ZBTB16: variants seen among roughly 807,000 people sequenced by gnomAD.
The protein encoded by ZBTB16 is zinc finger and BTB domain containing 16, also known as zinc finger and BTB domain-containing protein 16.
Under a neutral mutation model 56.8 loss-of-function variants are expected in ZBTB16, and 8 were observed. The ratio of observed to expected loss-of-function variants is 0.14; its 90% CI spans 0.08 to 0.25. ZBTB16 has a LOEUF of 0.25. Among genes scored for constraint, ZBTB16 ranks in the 10% least tolerant of loss-of-function variants. The pLI is 1.00. For missense variants in ZBTB16, 625 were observed against 903.0 expected (o/e 0.69, Z 3.95); for synonymous variants, 363 against 368.5 (o/e 0.98, Z 0.17).
At chr11:114,091,418 A>T (rs954089520) in intron 2 of ZBTB16, among the ~76,000 whole-genome samples, 1 of 151,732 alleles carries the variant, frequency 6.6e-6, no homozygotes, top group Non-Finnish European at 1.5e-5. Flanking sequence ...ACCCCCTGGC[A>T]TGAACTCTCA....
At chr11:114,210,186 T>C (rs1297644516) in intron 4 of ZBTB16, among the ~76,000 whole-genome samples, 4 of 143,604 alleles carry the variant, frequency 2.8e-5, no homozygotes, top group African/African-American at 7.8e-5. Context: ...TGTGTGTGTG[T>C]GTGTGTGCGT....
intron 4 of ZBTB16, chr11:114,237,213 C>T (rs1292837488): frequency 6.6e-6 from 1 of 152,274 alleles, no homozygotes; most frequent in African/African-American, 2.4e-5. Context: ...GTTTGGCCAT[C>T]ATTGGCTCTG....
intron 2 of ZBTB16, among the ~76,000 whole-genome samples, chr11:114,140,942 C>T (rs573092574): frequency 9.2e-5 from 14 of 152,144 alleles, no homozygotes; most frequent in Non-Finnish European, 1.9e-4. Context: ...CTGAGCCTCC[C>T]GCGCCCAGCC....
intron 2 of ZBTB16, among the ~76,000 whole-genome samples, chr11:114,100,955 C>T (rs141447307): frequency 6.4e-4 from 97 of 152,032 alleles, no homozygotes; most frequent in Non-Finnish European, 8.5e-4. Flanking sequence ...GCCAGCATCT[C>T]GGGGGTCCCC....
intron 2 of ZBTB16, among the ~76,000 whole-genome samples, chr11:114,067,161 A>G (rs1211949916): frequency 2.0e-5 from 3 of 152,180 alleles, no homozygotes; most frequent in Non-Finnish European, 4.4e-5. Flanking sequence ...TGATGGGCAC[A>G]TAGTCACCGC....
chr11:114,118,814 G>A (rs1377586611), intron 2 of ZBTB16, among the ~76,000 whole-genome samples: 3 of 152,280 alleles, frequency 2.0e-5, no homozygotes, highest in South Asian at 2.1e-4. Flanking sequence ...GGAGGGTTGC[G>A]TCTCTGTGAT....
chr11:114,069,855 G>T (rs559660660), intron 2 of ZBTB16, among the ~76,000 whole-genome samples: 1 of 152,228 alleles, frequency 6.6e-6, no homozygotes, highest in East Asian at 1.9e-4. Context: ...CCTTGAGTGG[G>T]TACAGGTCCA....
rs1944535944 is a variant in ZBTB16, at chr11:114,235,059, G to C, written c.1454-7108G>C. On this transcript the variant is annotated intron_variant, in intron 4 of 6. Transcript: ENST00000335953. ...AGGATTTGGGGGCTGGGGGTGGAGG[G>C]AGGGGGAAGTTTCTAGTTTAAATCA... Among the ~76,000 whole-genome samples, 3 of 151,930 alleles carry C rather than the reference G, an allele frequency of 2.0e-5. No individual in the cohort carries two copies. The South Asian group carries it at 6.2e-4, about 32-fold the overall frequency.
rs1255300053 is a variant in ZBTB16 at position 114,059,841 on chromosome 11, A to T, written c.-132A>T. 2.5e-6 allele frequency: 1 copy of T among 397,554 alleles called. No individual in the cohort carries two copies. The highest frequency in any genetic ancestry group is 4.4e-6 in the Non-Finnish European group (1 of 225,612). 24.6% of individuals were successfully genotyped at this position (397,554 alleles called of 1,614,324 possible). On this transcript the variant is annotated 5_prime_UTR_variant, in exon 1 of 7. Coordinates refer to ENST00000335953, the MANE Select transcript of ZBTB16 (RefSeq NM_006006.6). The surrounding 1 kb of genome is among the most constrained non-coding windows in gnomAD (Gnocchi z 5.3). Reference sequence around the variant, plus strand: ...CCCCGACACAGGCACACACCCCCCGACAGGCACGCACACCCACCCCACAGT... The same window carrying T: ...CCCCGACACAGGCACACACCCCCCGTCAGGCACGCACACCCACCCCACAGT...
intron 2 of ZBTB16, among the ~76,000 whole-genome samples, chr11:114,099,673 G>T (rs150116085): frequency 6.6e-6 from 1 of 152,278 alleles, no homozygotes; most frequent in African/African-American, 2.4e-5. Flanking sequence ...AGGGTGAGGG[G>T]TATGAGGAGG....
chr11:114,160,317 G>A lies in ZBTB16; in HGVS notation c.1366+3883G>A, dbSNP rs56369280. Among the ~76,000 whole-genome samples, 22 of 152,234 alleles carry A rather than the reference G, an allele frequency of 1.4e-4. No homozygotes were observed. The Middle Eastern group carries it at 0.01, about 71-fold the overall frequency. ...GAGGAGGCAAGAAAAGAGTTTCTCC[G>A]ATGCTTGAGAATAGGCCGCATTGAA... On this transcript the variant is annotated intron_variant, in intron 3 of 6. Transcript: ENST00000335953.
intron 4 of ZBTB16, among the ~76,000 whole-genome samples, chr11:114,227,007 G>A (rs1399367365): frequency 2.6e-5 from 4 of 151,998 alleles, no homozygotes; most frequent in Non-Finnish European, 4.4e-5. Context: ...TCAGGCCTAC[G>A]GACTCCCTCT....
At chr11:114,107,522 C>G (rs1329488359) in intron 2 of ZBTB16, among the ~76,000 whole-genome samples, 1 of 152,166 alleles carries the variant, frequency 6.6e-6, no homozygotes, top group South Asian at 2.1e-4. Context: ...CTTGGTGTCT[C>G]TCCTCCAAAG....
At chr11:114,213,678 A>G (rs1231317255) in intron 4 of ZBTB16, among the ~76,000 whole-genome samples, 1 of 152,236 alleles carries the variant, frequency 6.6e-6, no homozygotes, top group Non-Finnish European at 1.5e-5. Flanking sequence ...AGGGCTAGAC[A>G]TAGGTAGCCT....
At chr11:114,159,056 G>A (rs1330240651) in intron 3 of ZBTB16, among the ~76,000 whole-genome samples, 1 of 152,232 alleles carries the variant, frequency 6.6e-6, no homozygotes, top group Non-Finnish European at 1.5e-5. Context: ...TCACACATCA[G>A]CAGCATTGGT....
At chr11:114,241,623 G>A (rs1944705381) in intron 4 of ZBTB16, among the ~76,000 whole-genome samples, 1 of 152,172 alleles carries the variant, frequency 6.6e-6, no homozygotes. Flanking sequence ...AAAAATGTTG[G>A]GGACCACTGC....
At chr11:114,156,876 A>G (rs1327258353) in intron 3 of ZBTB16, among the ~76,000 whole-genome samples, 2 of 152,164 alleles carry the variant, frequency 1.3e-5, no homozygotes, top group African/African-American at 4.8e-5. Flanking sequence ...ATACAATTCT[A>G]TTGAGGTCGA....
chr11:114,193,338 T>G (rs577120091), intron 4 of ZBTB16, among the ~76,000 whole-genome samples: 14 of 152,184 alleles, frequency 9.2e-5, no homozygotes, highest in Admixed American at 3.3e-4. Flanking sequence ...TGAGAAGGGC[T>G]CCCTGCCAGC....
chr11:114,233,079 G>GCGCGCA (rs1944483148), intron 4 of ZBTB16, among the ~76,000 whole-genome samples: 1 of 53,762 alleles, frequency 1.9e-5, no homozygotes, highest in South Asian at 9.3e-4. Context: ...GCGCGCGCGC[G>GCGCGCA]CGCACACACA....
Sources: gnomAD v4.1 joint callset for allele counts (sites outside exome capture counted in the v4.1 genomes callset) on GRCh38, gnomAD v4.1.1 for gene constraint, Gnocchi (gnomAD v3.1) non-coding constraint, MANE v1.5 for transcripts, NCBI Gene and HGNC (gene_info 2026-07-23, HGNC 2026-07-21) for gene names.